Variants in CXorf38 observed in about 807,000 individuals in gnomAD.
CXorf38 encodes the protein chromosome X open reading frame 38.
CXorf38 carries 13 observed loss-of-function variants against 27.5 expected under a neutral mutation model. The observed-to-expected ratio is 0.47, with a 90% CI of 0.31 to 0.75. CXorf38 has a LOEUF of 0.75. Ranked by LOEUF, CXorf38 falls within the 30% of genes least tolerant of loss-of-function variation. CXorf38 has a pLI of 0.05. For missense variants in CXorf38, 240 were observed against 253.2 expected (o/e 0.95, Z 0.35); for synonymous variants, 100 against 99.8 (o/e 1.00, Z -0.01).
intron 5 of CXorf38, among the ~76,000 whole-genome samples, chrX:40,631,779 C>T (rs1266764972): frequency 8.9e-6 from 1 of 112,065 alleles, no homozygotes; most frequent in Non-Finnish European, 1.9e-5. Context: ...AGCAAATACT[C>T]ACGTTATCGT....
chrX:40,640,711 G>A (rs973895726), intron 2 of CXorf38, among the ~76,000 whole-genome samples: 26 of 110,846 alleles, frequency 2.3e-4, no homozygotes, highest in African/African-American at 7.9e-4. Context: ...AGGCCAAGGC[G>A]GGCAGATCAC....
intron 2 of CXorf38, among the ~76,000 whole-genome samples, chrX:40,645,455 G>A (rs1435597918): frequency 9.0e-6 from 1 of 111,450 alleles, no homozygotes; most frequent in African/African-American, 3.3e-5. Flanking sequence ...ATGAGGGACA[G>A]GCATTGTAAA....
chrX:40,637,908 T>C (rs919177305), intron 3 of CXorf38, among the ~76,000 whole-genome samples: 2 of 111,671 alleles, frequency 1.8e-5, no homozygotes, highest in Admixed American at 1.9e-4. Context: ...ACATGAATAA[T>C]ACATTAGTCA....
rs771938045 is a variant in CXorf38 at position 40,639,194 on chromosome X, GTTAC to G, written c.352-70_352-67del. Reference sequence around the variant, plus strand: ...AACTCTAGGAGATGGAAAGGCAATGGTTACTTGTCTATTTTCCAAATGATGACTG... The same window carrying G: ...AACTCTAGGAGATGGAAAGGCAATGGTTGTCTATTTTCCAAATGATGACTG... On this transcript the variant is annotated intron_variant, in intron 2 of 6. Coordinates refer to ENST00000327877, the MANE Select transcript of CXorf38 (RefSeq NM_144970.3). 66 of 1,090,601 alleles carry G rather than the reference GTTAC, an allele frequency of 6.1e-5. No homozygotes were observed. The Admixed American group carries it at 8.7e-4, about 14-fold the overall frequency. The allele number at this position is 1,090,601 out of a possible 1,213,427, so 89.9% of individuals were successfully genotyped here. A position where few individuals can be genotyped will look rare whatever the true frequency, so the allele number is the denominator to read the frequency against.
intron 3 of CXorf38, among the ~76,000 whole-genome samples, chrX:40,637,576 C>T (rs1928133469): frequency 8.9e-6 from 1 of 112,382 alleles, no homozygotes; most frequent in African/African-American, 3.2e-5. Flanking sequence ...CTCTACTTAA[C>T]ACGTGGCTTG....
Position 40,647,425 on chromosome X carries a change from CA to C in CXorf38, c.95del (p.Leu32ArgfsTer57). On this transcript the variant is annotated frameshift_variant, in exon 1 of 7. Transcript: ENST00000327877. LOFTEE classifies it high-confidence loss of function. ...GHCLLLLRSCLQGFVGREVLS... is the reference protein window; with the variant it reads ...GHCLLLLRSCXQGFVGREVLS... ...GCACCTCGCGGCCGACGAAACCCTG[CA>C]GGCAGCTGCGCAGCAGTAACAGGCA... The C allele has an allele frequency of 8.4e-7, 1 of 1,192,735 alleles. No homozygotes were observed. The highest frequency in any genetic ancestry group is 1.1e-6 in the Non-Finnish European group (1 of 889,088).
intron 4 of CXorf38, 31 bp from the exon 5 acceptor site, chrX:40,636,743 G>C (rs767039045): frequency 8.9e-7 from 1 of 1,124,590 alleles, no homozygotes; most frequent in South Asian, 2.0e-5. Context: ...TATATGAACT[G>C]ATTTCATGAA....
At position 40,628,447 on chromosome X, in the gene CXorf38, A is replaced by G. The variant is rs1927626026; in HGVS notation, c.*1717T>C. On this transcript the variant is annotated 3_prime_UTR_variant, in exon 7 of 7. Coordinates refer to ENST00000327877, the MANE Select transcript of CXorf38 (RefSeq NM_144970.3). Reference sequence around the variant, plus strand: ...CACAGGCAACTTGACCCAGTTAAGTACCACTGGCCTTGGAAACAAGTAGAT... The same window carrying G: ...CACAGGCAACTTGACCCAGTTAAGTGCCACTGGCCTTGGAAACAAGTAGAT... 2 of 110,825 alleles carry G rather than the reference A, an allele frequency of 1.8e-5. No individual in the cohort carries two copies. Among genetic ancestry groups the G allele is most frequent in the Admixed American group, 1.9e-4 (2 of 10,349 alleles). 9.1% of individuals were successfully genotyped at this position (110,825 alleles called of 1,213,427 possible).
chrX:40,640,491 G>C (rs1287447051), intron 2 of CXorf38, among the ~76,000 whole-genome samples: 1 of 111,436 alleles, frequency 9.0e-6, no homozygotes, highest in Non-Finnish European at 1.9e-5. Context: ...GTATGCCCAG[G>C]AGAGTCAGGG....
intron 3 of CXorf38, among the ~76,000 whole-genome samples, chrX:40,638,191 G>A (rs1360247727): frequency 8.9e-6 from 1 of 111,930 alleles, no homozygotes; most frequent in Admixed American, 9.5e-5. Flanking sequence ...TAGAAAAATG[G>A]TCGTCTAATC....
chrX:40,642,060 G>A (rs767339392), intron 2 of CXorf38, among the ~76,000 whole-genome samples: 3 of 111,585 alleles, frequency 2.7e-5, no homozygotes, highest in Non-Finnish European at 5.6e-5. Context: ...GTGAAGGACC[G>A]ACCACAGATG....
At chrX:40,641,090 G>A in intron 2 of CXorf38, among the ~76,000 whole-genome samples, 1 of 110,771 alleles carries the variant, frequency 9.0e-6, no homozygotes, top group Non-Finnish European at 1.9e-5. Flanking sequence ...AGTCGCACAC[G>A]CCTGTAGTAC....
intron 5 of CXorf38, among the ~76,000 whole-genome samples, chrX:40,635,207 C>G (rs1697293054): frequency 8.8e-6 from 1 of 113,138 alleles, no homozygotes; most frequent in Non-Finnish European, 1.9e-5. Context: ...CAGAGGAACT[C>G]AAACACATGG....
chrX:40,630,796 G>C, intron 5 of CXorf38, 23 bp from the exon 6 acceptor site: 1 of 1,192,586 alleles, frequency 8.4e-7, no homozygotes, highest in African/African-American at 1.7e-5. Flanking sequence ...ACCATGCAAT[G>C]TACAGCTTAG....
At position 40,644,753 on chromosome X, in the gene CXorf38, T is replaced by C. The variant is rs1325285864; in HGVS notation, c.351+2254A>G. 6.3e-5 allele frequency among the ~76,000 whole-genome samples: 7 copies of C among 111,745 alleles called. No individual in the cohort carries two copies. In the East Asian group the frequency reaches 2.0e-3, roughly 31 times the overall value. On this transcript the variant is annotated intron_variant, in intron 2 of 6. Coordinates refer to ENST00000327877, the MANE Select transcript of CXorf38 (RefSeq NM_144970.3). ...CCCCATGGATAAGGAGAGACAACTA[T>C]GTATGTCCAAGGGCCTCCATCAATT...
At chrX:40,640,338 C>T (rs983465864) in intron 2 of CXorf38, 3 of 239,136 alleles carry the variant, frequency 1.3e-5, no homozygotes, top group African/African-American at 5.9e-5. Flanking sequence ...AAAACAAAAA[C>T]GAAAACAAAA....
intron 2 of CXorf38, among the ~76,000 whole-genome samples, chrX:40,641,145 A>C (rs1928303374): frequency 9.0e-6 from 1 of 110,571 alleles, no homozygotes; most frequent in Admixed American, 9.7e-5. Flanking sequence ...TGAGCCCAGG[A>C]GGTGGAGGTT....
At position 40,647,486 on chromosome X, in the gene CXorf38, C is replaced by A. The variant is rs1196765376; in HGVS notation, c.35G>T (p.Cys12Phe). The A allele has an allele frequency of 8.4e-7, 1 of 1,188,875 alleles. No individual in the cohort carries two copies. The highest frequency in any genetic ancestry group is 2.3e-4 in the Middle Eastern group (1 of 4,294). ...CTTCACCCAGTTCTTGTACTCGGCG[C>A]AGTTGAGGCGCGCCGCTAGCTCCGA... The part of the protein sequence containing the change: ...VLSELAARLN[C>F]AEYKNWVKAG... Residue 12 changes from cysteine to phenylalanine, a missense_variant, in exon 1 of 7, where the codon TGC becomes TTC. Coordinates refer to ENST00000327877, the MANE Select transcript of CXorf38 (RefSeq NM_144970.3).
intron 5 of CXorf38, among the ~76,000 whole-genome samples, chrX:40,633,046 TTCTC>T (rs2146569189): frequency 9.0e-6 from 1 of 111,421 alleles, no homozygotes; most frequent in South Asian, 3.8e-4. Flanking sequence ...ATCTCTTTCT[TTCTC>T]TCACATGCCA....
Sources: allele counts gnomAD v4.1 joint callset (sites outside exome capture counted in the v4.1 genomes callset), GRCh38; gene constraint gnomAD v4.1.1; transcripts MANE v1.5; gene names NCBI Gene and HGNC (gene_info 2026-07-23, HGNC 2026-07-21).